The following LYST variants were observed in gnomAD, a reference collection of about 807,000 sequenced individuals.
LYST encodes lysosomal trafficking regulator.
A neutral mutation model predicts 413.6 loss-of-function variants in LYST; 192 were observed. The observed-to-expected ratio is 0.46, with a 90% CI of 0.41 to 0.52. LYST has a LOEUF of 0.52. Ranked by LOEUF, LYST falls within the 20% of genes least tolerant of loss-of-function variation. The probability of loss-of-function intolerance (pLI) is 0.00; values close to 1 mark genes in which losing one functional copy is unlikely to be tolerated. For synonymous variants in LYST, 1,525 were observed against 1,567.3 expected (o/e 0.97, Z 0.64); for missense variants, 3,815 against 4,499.9 (o/e 0.85, Z 4.35).
chr1:235,864,615 C>G (rs916291628), intron 1 of LYST, among the ~76,000 whole-genome samples: 3 of 152,200 alleles, frequency 2.0e-5, no homozygotes, highest in Admixed American at 6.5e-5. Context: ...CTCCATCCAG[C>G]GCCCAGAATG....
intron 1 of LYST, among the ~76,000 whole-genome samples, chr1:235,865,217 C>T (rs1488237497): frequency 2.0e-5 from 3 of 152,182 alleles, no homozygotes; most frequent in Admixed American, 1.3e-4. Flanking sequence ...GATTACCCCT[C>T]ACTTACTTCT....
chr1:235,689,399 A>C lies in LYST; in HGVS notation c.10702-2352T>G, dbSNP rs574900657. ...TTAAGTAAAATCTGCCAGGCACAGA[A>C]AGACAAATACTGTATGATCCTGCTC... On this transcript the variant is annotated intron_variant, in intron 47 of 52. Coordinates refer to ENST00000389793, the MANE Select transcript of LYST (RefSeq NM_000081.4). Among the ~76,000 whole-genome samples, 18 of 152,314 alleles carry C rather than the reference A, an allele frequency of 1.2e-4. 1 individual carries two copies. In the South Asian group the frequency reaches 3.3e-3, roughly 28 times the overall value.
At position 235,810,266 on chromosome 1, in the gene LYST, C is replaced by A; in HGVS notation, c.552G>T (p.Arg184Ser). Residue 184 changes from arginine (R) to serine (S), a missense_variant, in exon 5 of 53, where the codon AGG (arginine) becomes AGT (serine). By Grantham distance (110) the Arg-to-Ser change is moderately radical (BLOSUM62 -1). Coordinates refer to ENST00000389793, the MANE Select transcript of LYST (RefSeq NM_000081.4). Reference sequence around the variant, plus strand: ...TTAAAAAATGATGCAGCAGATGGGGCCTTCTATGCTTATTCATTGCTATGC... The same window carrying A: ...TTAAAAAATGATGCAGCAGATGGGGACTTCTATGCTTATTCATTGCTATGC... The part of the protein sequence containing the change: ...EKGIAMNKHR[R>S]PHLLHHFLTS... 6.2e-7 allele frequency: 1 copy of A among 1,614,104 alleles called. No individual in the cohort carries two copies. The highest frequency in any genetic ancestry group is 1.1e-5 in the South Asian group (1 of 91,084).
At chr1:235,815,895 G>C (rs1414052013) in intron 3 of LYST, among the ~76,000 whole-genome samples, 1 of 152,114 alleles carries the variant, frequency 6.6e-6, no homozygotes, top group African/African-American at 2.4e-5. Flanking sequence ...CACTTTGGGA[G>C]GCTGAGGCGG....
At chr1:235,877,313 C>T (rs773186639) in intron 1 of LYST, among the ~76,000 whole-genome samples, 2 of 152,222 alleles carry the variant, frequency 1.3e-5, no homozygotes, top group Non-Finnish European at 2.9e-5. Context: ...AAAAATCCTT[C>T]TCCCTGCCCA....
At chr1:235,719,208 G>A (rs1663116129) in intron 40 of LYST, among the ~76,000 whole-genome samples, 1 of 152,074 alleles carries the variant, frequency 6.6e-6, no homozygotes, top group Non-Finnish European at 1.5e-5. Flanking sequence ...AATAGAGTTA[G>A]GGTTTCACCA....
At position 235,743,930 on chromosome 1, in the gene LYST, C is replaced by T. The variant is rs12238984; in HGVS notation, c.8151+49G>A. ...GTATAATACAGTCAACATAAAACCT[C>T]TATTTCCTTTGTGTGAATGAACATT... On this transcript the variant is annotated intron_variant, in intron 30 of 52. Coordinates refer to ENST00000389793, the MANE Select transcript of LYST (RefSeq NM_000081.4). The T allele has an allele frequency of 6.8e-3, 7,008 of 1,025,430 alleles. 267 individuals are homozygous for T. In the African/African-American group the frequency reaches 0.094, roughly 14 times the overall value. The allele number at this position is 1,025,430 out of a possible 1,614,324, so 63.5% of individuals were successfully genotyped here.
chr1:235,799,100 C>T (rs928599007), intron 10 of LYST, among the ~76,000 whole-genome samples: 1 of 151,942 alleles, frequency 6.6e-6, no homozygotes, highest in African/African-American at 2.4e-5. Context: ...AAGTGTCTAG[C>T]AAAATAATAA....
upstream of LYST, chr1:235,883,683 A>G (rs943219870): frequency 1.3e-5 from 2 of 152,318 alleles, no homozygotes; most frequent in African/African-American, 4.8e-5. Flanking sequence ...TCTCTGTGTC[A>G]CCAGGAAGGC....
At chr1:235,737,914 C>CGATATGCG in intron 31 of LYST, 11 of 1,160,800 alleles carry the variant, frequency 9.5e-6, no homozygotes, top group Admixed American at 4.4e-5. Context: ...CCGCTGCCGA[C>CGATATGCG]GAGTCTGGAT....
intron 2 of LYST, among the ~76,000 whole-genome samples, chr1:235,831,632 T>C (rs939276861): frequency 2.0e-5 from 3 of 152,186 alleles, no homozygotes; most frequent in Admixed American, 1.3e-4. Flanking sequence ...GTTTAATTCT[T>C]TGATTCCCAT....
chr1:235,721,174 A>G (rs907327384), intron 39 of LYST, among the ~76,000 whole-genome samples: 2 of 152,198 alleles, frequency 1.3e-5, no homozygotes, highest in Non-Finnish European at 1.5e-5. Flanking sequence ...AAAGTCACTT[A>G]AGACACAGAT....
chr1:235,705,158 C>T (rs1661877930), intron 44 of LYST, among the ~76,000 whole-genome samples: 1 of 152,126 alleles, frequency 6.6e-6, no homozygotes, highest in Non-Finnish European at 1.5e-5. Flanking sequence ...CCTAAGGTCA[C>T]ACAACAAGTG....
chr1:235,794,642 G>A (rs1473697632), intron 10 of LYST, among the ~76,000 whole-genome samples: 1 of 152,164 alleles, frequency 6.6e-6, no homozygotes, highest in African/African-American at 2.4e-5. Flanking sequence ...TGGAAGACCT[G>A]GAGTTTAGAG....
At chr1:235,757,671 A>G (rs1170184734) in intron 23 of LYST, among the ~76,000 whole-genome samples, 1 of 152,160 alleles carries the variant, frequency 6.6e-6, no homozygotes, top group African/African-American at 2.4e-5. Context: ...ACACTATTCA[A>G]TTGTACATCT....
chr1:235,833,559 T>A lies in LYST; in HGVS notation c.-8+19A>T. 1 of 588,654 alleles carries A rather than the reference T, an allele frequency of 1.7e-6. No individual in the cohort carries two copies. The highest frequency in any genetic ancestry group is 2.1e-6 in the Non-Finnish European group (1 of 467,234). The allele number at this position is 588,654 out of a possible 1,614,324, so 36.5% of individuals were successfully genotyped here. A position where few individuals can be genotyped will look rare whatever the true frequency, so the allele number is the denominator to read the frequency against. On this transcript the variant is annotated intron_variant, in intron 2 of 52. Coordinates refer to ENST00000389793, the MANE Select transcript of LYST (RefSeq NM_000081.4). The stretch of plus-strand genomic sequence containing the variant: ...CAAAATCATGTTGATGGTTAATATT[T>A]ATTACATTATATACTTACCAGTCTT...
At chr1:235,796,581 T>C (rs970880037) in intron 10 of LYST, among the ~76,000 whole-genome samples, 1 of 152,186 alleles carries the variant, frequency 6.6e-6, no homozygotes, top group African/African-American at 2.4e-5. Flanking sequence ...GTTGCCATTG[T>C]GGTAGTGTTA....
rs938260311 is a variant in LYST, at chr1:235,734,548, A to G, written c.8470T>C (p.Cys2824Arg). The G allele has an allele frequency of 3.7e-6, 6 of 1,613,612 alleles. No homozygotes were observed. Among genetic ancestry groups the G allele is most frequent in the Non-Finnish European group, 5.1e-6 (6 of 1,179,664 alleles). ...CTGGGAGGGATGCACTTGTGACCAC[A>G]TAACTTCAAAGCATTCATAAGCAGT... Reference protein sequence around the residue: ...AELLMNALKLCGHKCIPPSAS... With the variant: ...AELLMNALKLRGHKCIPPSAS... Residue 2824 changes from cysteine to arginine, a missense_variant, in exon 32 of 53, where the codon TGT (cysteine) becomes CGT (arginine). Coordinates refer to ENST00000389793, the MANE Select transcript of LYST (RefSeq NM_000081.4).
chr1:235,836,379 C>T (rs79429343), intron 1 of LYST, among the ~76,000 whole-genome samples: 2,101 of 151,966 alleles, frequency 0.014, 49 homozygotes, highest in African/African-American at 0.047. Context: ...CATGTTAATT[C>T]GATGAAAAAG....
Sources: gnomAD v4.1 joint callset for allele counts (sites outside exome capture counted in the v4.1 genomes callset) on GRCh38, gnomAD v4.1.1 for gene constraint, MANE v1.5 for transcripts, NCBI Gene and HGNC (gene_info 2026-07-23, HGNC 2026-07-21) for gene names.